EXTL3: variants seen among roughly 807,000 people sequenced by gnomAD.
The protein encoded by EXTL3 is exostosin-like 3.
EXTL3 carries 27 observed loss-of-function variants against 69.3 expected under a neutral mutation model. The ratio of observed to expected loss-of-function variants is 0.39; its 90% CI spans 0.29 to 0.54. The LOEUF (loss-of-function observed/expected upper bound fraction) is 0.54, where lower values mean the gene tolerates loss of function less well. EXTL3 is among the 20% of genes least tolerant of loss of function. The probability of loss-of-function intolerance (pLI) is 0.69; values close to 1 mark genes in which losing one functional copy is unlikely to be tolerated. For synonymous variants in EXTL3, 511 were observed against 499.4 expected, an observed-to-expected ratio of 1.02 and a Z score of -0.31; for missense variants, 1,003 against 1,231.8, an observed-to-expected ratio of 0.81 and a Z score of 2.78.
intron 1 of EXTL3, among the ~76,000 whole-genome samples, chr8:28,708,592 T>A (rs1046629715): frequency 6.6e-6 from 1 of 152,216 alleles, no homozygotes; most frequent in Non-Finnish European, 1.5e-5. Flanking sequence ...TGATGTTTTT[T>A]TGGGTTGTTA....
At chr8:28,628,006 G>A (rs987660238) in intron 1 of EXTL3, among the ~76,000 whole-genome samples, 2 of 152,154 alleles carry the variant, frequency 1.3e-5, no homozygotes, top group African/African-American at 4.8e-5. Flanking sequence ...AGAGAAGGAT[G>A]ATGGTGATGG....
Position 28,717,167 on chromosome 8 carries a change from G to A in EXTL3, c.1108G>A (p.Asp370Asn), listed in dbSNP as rs780570723. The change falls in exon 3 of 7, where the codon GAC becomes AAC. Residue 370 changes from aspartate to asparagine, a missense_variant. Around this residue, in one of 2 missense-constraint regions of EXTL3, gnomAD observed 742 missense variants for 815.4 expected, o/e 0.91. Coordinates refer to ENST00000220562, the MANE Select transcript of EXTL3 (RefSeq NM_001440.4). This position sits in a 1 kb window ranked among gnomAD's most constrained non-coding sequence, Gnocchi z 8.3. ...ARSFEEEMEG[D>N]PPADYDDRII... ...CTCCTTCGAAGAGGAAATGGAGGGC[G>A]ACCCTCCCGCCGACTACGATGACCG... is the stretch of plus-strand genomic sequence containing the variant. 53 of 1,614,102 alleles carry A rather than the reference G, an allele frequency of 3.3e-5. No homozygotes were observed. The highest frequency in any genetic ancestry group is 4.3e-5 in the Non-Finnish European group (51 of 1,180,040).
intron 1 of EXTL3, among the ~76,000 whole-genome samples, chr8:28,644,213 GATTC>G (rs1451485649): frequency 1.3e-5 from 2 of 151,878 alleles, no homozygotes; most frequent in Non-Finnish European, 2.9e-5. Flanking sequence ...AGATGGATGT[GATTC>G]ATTTATTTAG....
intron 4 of EXTL3, among the ~76,000 whole-genome samples, chr8:28,735,183 T>C (rs1585290347): frequency 6.6e-6 from 1 of 152,310 alleles, no homozygotes; most frequent in Middle Eastern, 3.4e-3. Flanking sequence ...GGCATGATCT[T>C]TGCTGCTGCA....
At chr8:28,665,014 A>G (rs1414689488) in intron 1 of EXTL3, among the ~76,000 whole-genome samples, 9 of 123,304 alleles carry the variant, frequency 7.3e-5, no homozygotes, top group Admixed American at 5.0e-4. Context: ...TTTCTCTCAC[A>G]TTTACCTATT....
intron 1 of EXTL3, among the ~76,000 whole-genome samples, chr8:28,705,200 A>C (rs1800896140): frequency 6.6e-6 from 1 of 152,180 alleles, no homozygotes; most frequent in African/African-American, 2.4e-5. Context: ...CCTGGGAGCA[A>C]GGCAATTGTC....
At chr8:28,644,015 C>T (rs192040476) in intron 1 of EXTL3, among the ~76,000 whole-genome samples, 16 of 152,256 alleles carry the variant, frequency 1.1e-4, no homozygotes, top group South Asian at 4.1e-4. Context: ...TCCTCTGCCT[C>T]GGCTTCCCAA....
At chr8:28,634,847 G>A (rs971753728) in intron 1 of EXTL3, among the ~76,000 whole-genome samples, 5 of 151,994 alleles carry the variant, frequency 3.3e-5, no homozygotes, top group Admixed American at 6.6e-5. Flanking sequence ...CGCTCGCTTC[G>A]GCCTCCCATA....
intron 1 of EXTL3, among the ~76,000 whole-genome samples, chr8:28,702,321 C>T (rs1800825612): frequency 6.6e-6 from 1 of 152,222 alleles, no homozygotes; most frequent in Non-Finnish European, 1.5e-5. Context: ...TAGAGCCGGC[C>T]TCGCGCTGCA....
chr8:28,669,573 G>C (rs975549082), intron 1 of EXTL3, among the ~76,000 whole-genome samples: 2 of 152,198 alleles, frequency 1.3e-5, no homozygotes, highest in Non-Finnish European at 2.9e-5. Context: ...GGGGGAAATG[G>C]AGGGCAGAAA....
At chr8:28,609,970 A>G (rs1319799098) in intron 2 of EXTL3, among the ~76,000 whole-genome samples, 2 of 151,660 alleles carry the variant, frequency 1.3e-5, no homozygotes, top group Non-Finnish European at 2.9e-5. Flanking sequence ...TTGGGAGGCC[A>G]AAGCAGGTGG....
rs1801733248 is a variant in EXTL3, at chr8:28,739,590, CA to C, written c.2421+1930del. Among the ~76,000 whole-genome samples the C allele has an allele frequency of 2.6e-5, 4 of 152,168 alleles. 1 individual carries two copies. In the South Asian group the frequency reaches 8.3e-4, roughly 32 times the overall value. On this transcript the variant is annotated intron_variant, in intron 5 of 6. Transcript: ENST00000220562. ...AAGCGATCTGCCCGCCTTAGCCTCCCAAAGTGTTGGGATTACAGATGTGAGG... is the reference window on the plus strand; with the variant it reads ...AAGCGATCTGCCCGCCTTAGCCTCCCAAGTGTTGGGATTACAGATGTGAGG...
intron 1 of EXTL3, among the ~76,000 whole-genome samples, chr8:28,708,105 C>A (rs1800959296): frequency 6.6e-6 from 1 of 152,210 alleles, no homozygotes; most frequent in African/African-American, 2.4e-5. Flanking sequence ...TACTCTTAAG[C>A]CCAAAGAATA....
intron 2 of EXTL3, among the ~76,000 whole-genome samples, chr8:28,615,719 C>T (rs1806322383): frequency 6.6e-6 from 1 of 151,362 alleles, no homozygotes; most frequent in Non-Finnish European, 1.5e-5. Context: ...AGGCATGCAC[C>T]ACCATGCCAA....
At chr8:28,608,109 CAAA>C (rs1158457543) in intron 2 of EXTL3, among the ~76,000 whole-genome samples, 3 of 103,864 alleles carry the variant, frequency 2.9e-5, no homozygotes, top group Admixed American at 1.1e-4. Context: ...GACACCATCT[CAAA>C]AAAAAAAAAA....
chr8:28,613,469 A>G (rs1254615100), intron 2 of EXTL3, among the ~76,000 whole-genome samples: 1 of 152,200 alleles, frequency 6.6e-6, no homozygotes, highest in Non-Finnish European at 1.5e-5. Context: ...GGCGTGAGCC[A>G]CTGCGCCTGG....
At chr8:28,615,299 T>C (rs1172438057) in intron 2 of EXTL3, among the ~76,000 whole-genome samples, 2 of 152,232 alleles carry the variant, frequency 1.3e-5, no homozygotes, top group Non-Finnish European at 2.9e-5. Context: ...GCTGTATCTT[T>C]ACTGATTTTC....
intron 6 of EXTL3, among the ~76,000 whole-genome samples, chr8:28,749,786 AAGC>A (rs1245744136): frequency 6.6e-6 from 1 of 152,158 alleles, no homozygotes; most frequent in Non-Finnish European, 1.5e-5. Context: ...TCGTGGGCTC[AAGC>A]AGCCTCCCAT....
At chr8:28,719,200 A>G (rs917242601) in intron 3 of EXTL3, among the ~76,000 whole-genome samples, 14 of 152,330 alleles carry the variant, frequency 9.2e-5, no homozygotes, top group Middle Eastern at 6.8e-3. Flanking sequence ...GCATGGTGTA[A>G]TAAGTATGAG....
Sources: allele counts gnomAD v4.1 joint callset (sites outside exome capture counted in the v4.1 genomes callset), GRCh38; gene constraint gnomAD v4.1.1; regional missense constraint gnomAD v4.1.1; non-coding constraint Gnocchi (gnomAD v3.1); transcripts MANE v1.5; gene names NCBI Gene and HGNC (gene_info 2026-07-23, HGNC 2026-07-21).